PYGL: variants seen among roughly 807,000 people sequenced by gnomAD.
PYGL encodes glycogen phosphorylase, liver form.
Under a neutral mutation model 100.1 loss-of-function variants are expected in PYGL, and 90 were observed. That is an observed-to-expected ratio of 0.90 (90% CI 0.76 to 1.07). PYGL has a LOEUF of 1.07. PYGL is among the 50% of genes least tolerant of loss of function. PYGL has a pLI of 0.00. For missense variants in PYGL, 1,016 were observed against 1,057.6 expected, an observed-to-expected ratio of 0.96 and a Z score of 0.55; for synonymous variants, 373 against 393.0, an observed-to-expected ratio of 0.95 and a Z score of 0.60.
At chr14:50,916,507 G>C in intron 9 of PYGL, 135 bp downstream of exon 9, 1 of 816,922 alleles carries the variant, frequency 1.2e-6, no homozygotes, top group South Asian at 1.5e-5. Context: ...GTCAGCGTCA[G>C]GGAAAATATA....
intron 4 of PYGL, among the ~76,000 whole-genome samples, chr14:50,930,434 C>T (rs906450064): frequency 6.6e-6 from 1 of 152,224 alleles, no homozygotes; most frequent in Non-Finnish European, 1.5e-5. Flanking sequence ...GGCTTCTCTT[C>T]TACAAGATGC....
At position 50,920,588 on chromosome 14, in the gene PYGL, G is replaced by A. The variant is rs781472201; in HGVS notation, c.808C>T (p.Arg270Ter). ...CGGGAGATGTTCTCGGCCAGGTTTC[G>A]GTCCAGCACAGCCTGAATGTAGTCT... ...VGDYIQAVLD[R>*]NLAENISRVL... The change falls in exon 7 of 20, where the codon CGA (arginine) becomes TGA (stop). Residue 270 changes from arginine to a stop codon, truncating the protein, a stop_gained. Coordinates refer to ENST00000216392, the MANE Select transcript of PYGL (RefSeq NM_002863.5). LOFTEE classifies it high-confidence loss of function. 14 of 1,612,990 alleles carry A rather than the reference G, an allele frequency of 8.7e-6. No individual in the cohort carries two copies. The highest frequency in any genetic ancestry group is 1.3e-5 in the African/African-American group (1 of 74,876).
At position 50,937,830 on chromosome 14, in the gene PYGL, T is replaced by C. The variant is rs778868070; in HGVS notation, c.251A>G (p.Tyr84Cys). Residue 84 changes from tyrosine to cysteine, a missense_variant, in exon 2 of 20, where the codon TAT (tyrosine) becomes TGT (cysteine). By Grantham distance (194) the Tyr-to-Cys change is radical (BLOSUM62 -2). Transcript: ENST00000216392. The part of the protein sequence containing the change: ...HYYDKCPKRV[Y>C]YLSLEFYMGR... Reference sequence around the variant, plus strand: ...CATGTAAAATTCCAGAGAGAGGTAATATACCCTCTGAAATAAAGAAAAGAG... The same window carrying C: ...CATGTAAAATTCCAGAGAGAGGTAACATACCCTCTGAAATAAAGAAAAGAG... The C allele has an allele frequency of 6.2e-7, 1 of 1,609,980 alleles. No individual in the cohort carries two copies. Among genetic ancestry groups the C allele is most frequent in the South Asian group, 1.1e-5 (1 of 91,010 alleles).
In PYGL at chr14:50,936,790, CAA is replaced by C. The variant is rs71121613; in HGVS notation, c.345+944_345+945del. On this transcript the variant is annotated intron_variant, in intron 2 of 19. Transcript: ENST00000216392. ...TGCGTAACAGGACGAGACTCCGTCT[CAA>C]AAAAAAAAAAAAGTATGATATAAAT... 5.1e-3 allele frequency among the ~76,000 whole-genome samples: 676 copies of C among 132,606 alleles called. 5 individuals are homozygous for C. The highest frequency in any genetic ancestry group is 5.3e-3 in the Non-Finnish European group (326 of 61,088). The allele number at this position is 132,606 out of a possible 152,430, so 87.0% of individuals were successfully genotyped here. A position where few individuals can be genotyped will look rare whatever the true frequency, so the allele number is the denominator to read the frequency against.
chr14:50,912,478 A>G (rs768737790), intron 13 of PYGL, 175 bp from the exon 14 acceptor site: 61 of 765,720 alleles, frequency 8.0e-5, no homozygotes, highest in Admixed American at 1.3e-4. Context: ...CCTATCAGGG[A>G]TTACAGGTAT....
At chr14:50,933,648 T>C (rs2050623594) in intron 3 of PYGL, among the ~76,000 whole-genome samples, 1 of 152,204 alleles carries the variant, frequency 6.6e-6, no homozygotes, top group Non-Finnish European at 1.5e-5. Context: ...CTTTGATCGC[T>C]ATCCCAGTTC....
chr14:50,908,225 A>G, intron 19 of PYGL, 46 bp downstream of exon 19: 1 of 1,466,516 alleles, frequency 6.8e-7, no homozygotes, highest in South Asian at 1.1e-5. Flanking sequence ...ATTTTAATGA[A>G]TCATAGTAAA....
At chr14:50,941,658 A>G (rs1257936250) in intron 1 of PYGL, among the ~76,000 whole-genome samples, 3 of 152,178 alleles carry the variant, frequency 2.0e-5, no homozygotes, top group Admixed American at 1.3e-4. Flanking sequence ...AGGTGGGTGG[A>G]TCACCAGGTC....
intron 1 of PYGL, among the ~76,000 whole-genome samples, chr14:50,941,168 G>C (rs1468455109): frequency 2.0e-5 from 3 of 152,230 alleles, no homozygotes; most frequent in Non-Finnish European, 4.4e-5. Flanking sequence ...ACAATGCACA[G>C]AATGAGACGG....
chr14:50,905,903 AT>A (rs1445947221), intron 19 of PYGL, among the ~76,000 whole-genome samples: 1 of 151,718 alleles, frequency 6.6e-6, no homozygotes, highest in African/African-American at 2.4e-5. Flanking sequence ...CCTTTAAACT[AT>A]AGGGGAGGAA....
intron 1 of PYGL, among the ~76,000 whole-genome samples, chr14:50,943,292 C>G (rs1322829534): frequency 6.6e-6 from 1 of 152,194 alleles, no homozygotes; most frequent in African/African-American, 2.4e-5. Flanking sequence ...ATGTCCTCCC[C>G]AGTCCTTCCC....
intron 1 of PYGL, among the ~76,000 whole-genome samples, chr14:50,943,443 T>TG (rs2050718018): frequency 6.6e-6 from 1 of 152,202 alleles, no homozygotes; most frequent in Non-Finnish European, 1.5e-5. Flanking sequence ...TCAGCAGCTC[T>TG]GGGGGCAGGC....
In PYGL at chr14:50,937,835, C is replaced by A; in HGVS notation, c.246G>T (p.Arg82Ser). 1.2e-6 allele frequency: 2 copies of A among 1,605,672 alleles called. No homozygotes were observed. Among genetic ancestry groups the A allele is most frequent in the Non-Finnish European group, 1.7e-6 (2 of 1,172,452 alleles). The change falls in exon 2 of 20, where the codon AGG (arginine) becomes AGT (serine). Residue 82 changes from arginine (R) to serine (S), a missense_variant and splice_region_variant. By Grantham distance (110) the Arg-to-Ser change is moderately radical (BLOSUM62 -1). Transcript: ENST00000216392. ...QQHYYDKCPK[R>S]VYYLSLEFYM... is the part of the protein sequence containing the mutation. ...AAAATTCCAGAGAGAGGTAATATACCCTCTGAAATAAAGAAAAGAGAGATA... is the reference window on the plus strand; with the variant it reads ...AAAATTCCAGAGAGAGGTAATATACACTCTGAAATAAAGAAAAGAGAGATA...
chr14:50,922,176 TG>T (rs1196263792), intron 5 of PYGL, among the ~76,000 whole-genome samples: 1 of 152,234 alleles, frequency 6.6e-6, no homozygotes, highest in Non-Finnish European at 1.5e-5. Context: ...TGGAGGATGC[TG>T]GATCTCATTT....
At chr14:50,927,935 C>A (rs1003676459) in intron 4 of PYGL, among the ~76,000 whole-genome samples, 7 of 152,014 alleles carry the variant, frequency 4.6e-5, no homozygotes, top group Non-Finnish European at 1.0e-4. Flanking sequence ...GCCAGTGATC[C>A]CCAAATGCAC....
At chr14:50,908,109 T>A in intron 19 of PYGL, 162 bp downstream of exon 19, 1 of 573,938 alleles carries the variant, frequency 1.7e-6, no homozygotes, top group Non-Finnish European at 3.0e-6. Flanking sequence ...AGGTTTTTTT[T>A]TTTGTTGTGG....
At chr14:50,921,287 C>T (rs1004997050) in intron 5 of PYGL, 7 of 568,470 alleles carry the variant, frequency 1.2e-5, no homozygotes, top group African/African-American at 1.1e-4. Flanking sequence ...CTGAAACCAT[C>T]CACACTGATG....
chr14:50,932,943 G>A (rs2050615648), intron 3 of PYGL, among the ~76,000 whole-genome samples: 1 of 152,116 alleles, frequency 6.6e-6, no homozygotes. Flanking sequence ...TTCTTACATC[G>A]CCAATCCCTG....
At chr14:50,913,709 C>T (rs954751539) in intron 12 of PYGL, among the ~76,000 whole-genome samples, 7 of 151,672 alleles carry the variant, frequency 4.6e-5, no homozygotes, top group African/African-American at 1.2e-4. Context: ...ATTTTTTTGG[C>T]GACAGGATCT....
Sources: allele counts gnomAD v4.1 joint callset (sites outside exome capture counted in the v4.1 genomes callset), GRCh38; gene constraint gnomAD v4.1.1; transcripts MANE v1.5; gene names NCBI Gene and HGNC (gene_info 2026-07-23, HGNC 2026-07-21).